SYT1: variants seen among roughly 807,000 people sequenced by gnomAD.
SYT1 encodes synaptotagmin 1, also known as synaptotagmin-1.
SYT1 carries 8 observed loss-of-function variants against 44.8 expected under a neutral mutation model. The observed-to-expected ratio is 0.18, with a 90% CI of 0.10 to 0.32. The LOEUF (loss-of-function observed/expected upper bound fraction) is 0.32, where lower values mean the gene tolerates loss of function less well. Among genes scored for constraint, SYT1 ranks in the 10% least tolerant of loss-of-function variants. SYT1 has a pLI of 1.00. For missense variants in SYT1, 286 were observed against 509.3 expected, an observed-to-expected ratio of 0.56 and a Z score of 4.22; for synonymous variants, 154 against 188.8, an observed-to-expected ratio of 0.82 and a Z score of 1.51.
intron 3 of SYT1, among the ~76,000 whole-genome samples, chr12:79,144,256 G>A (rs111908135): frequency 7.9e-5 from 12 of 152,214 alleles, no homozygotes; most frequent in African/African-American, 2.9e-4. Context: ...AGGAAAAGCA[G>A]AGTCAATAAC....
At chr12:79,212,133 T>C (rs1458041910) in intron 3 of SYT1, among the ~76,000 whole-genome samples, 1 of 151,800 alleles carries the variant, frequency 6.6e-6, no homozygotes, top group Non-Finnish European at 1.5e-5. Context: ...AATGATAGAG[T>C]GGATAAAGAA....
intron 4 of SYT1, among the ~76,000 whole-genome samples, chr12:79,231,010 C>G (rs1875836437): frequency 6.6e-6 from 1 of 152,096 alleles, no homozygotes; most frequent in African/African-American, 2.4e-5. Flanking sequence ...CTAAGCAAAG[C>G]CTGACTACAA....
chr12:79,040,432 T>C (rs1466693890), intron 2 of SYT1, among the ~76,000 whole-genome samples: 3 of 152,200 alleles, frequency 2.0e-5, no homozygotes, highest in South Asian at 2.1e-4. Context: ...TTTTGAGAAG[T>C]GTCTGTTCAT....
intron 2 of SYT1, among the ~76,000 whole-genome samples, chr12:79,017,440 T>C (rs1165907554): frequency 2.0e-5 from 3 of 152,058 alleles, no homozygotes; most frequent in Non-Finnish European, 2.9e-5. Context: ...AAAAATTAAC[T>C]AGGATAGTTC....
intron 3 of SYT1, among the ~76,000 whole-genome samples, chr12:79,174,523 C>G (rs769198606): frequency 1.1e-4 from 16 of 152,092 alleles, no homozygotes; most frequent in Middle Eastern, 6.8e-3. Context: ...TAAAATGTAG[C>G]TAGTCAGTAA....
At chr12:79,133,420 C>T (rs1868981126) in intron 3 of SYT1, among the ~76,000 whole-genome samples, 1 of 151,876 alleles carries the variant, frequency 6.6e-6, no homozygotes, top group Admixed American at 6.6e-5. Flanking sequence ...ATTTAAAATG[C>T]AAAGAAAAGA....
intron 2 of SYT1, among the ~76,000 whole-genome samples, chr12:79,036,904 C>T (rs1873170371): frequency 6.6e-6 from 1 of 151,734 alleles, no homozygotes; most frequent in African/African-American, 2.4e-5. Flanking sequence ...CAACTTCTCC[C>T]ACTCTCTCAT....
At chr12:79,055,589 A>C (rs980650026) in intron 3 of SYT1, among the ~76,000 whole-genome samples, 1 of 151,980 alleles carries the variant, frequency 6.6e-6, no homozygotes, top group Non-Finnish European at 1.5e-5. Flanking sequence ...ACTGTATTCA[A>C]GTGCTATTTC....
chr12:78,958,944 T>C (rs1879361730), intron 1 of SYT1, among the ~76,000 whole-genome samples: 1 of 152,148 alleles, frequency 6.6e-6, no homozygotes, highest in South Asian at 2.1e-4. Flanking sequence ...TAACTCAAAC[T>C]TCATTCTTTC....
intron 9 of SYT1, among the ~76,000 whole-genome samples, chr12:79,439,619 T>C (rs1016619675): frequency 3.3e-5 from 5 of 152,162 alleles, no homozygotes; most frequent in African/African-American, 1.2e-4. Flanking sequence ...ACCATAGTAA[T>C]AATTAACAAT....
At chr12:78,955,020 C>T (rs1461941511) in intron 1 of SYT1, among the ~76,000 whole-genome samples, 1 of 152,014 alleles carries the variant, frequency 6.6e-6, no homozygotes, top group East Asian at 1.9e-4. Context: ...TGTGTAAATC[C>T]ATCTGCTGAG....
intron 9 of SYT1, among the ~76,000 whole-genome samples, chr12:79,388,772 A>G (rs759524267): frequency 1.3e-5 from 2 of 152,110 alleles, no homozygotes; most frequent in Non-Finnish European, 2.9e-5. Context: ...TCCATGTTCT[A>G]CTCATAGAAA....
chr12:79,347,373 C>T (rs547615940), intron 8 of SYT1, among the ~76,000 whole-genome samples: 22 of 152,228 alleles, frequency 1.4e-4, no homozygotes, highest in Admixed American at 9.2e-4. Flanking sequence ...TTGGGGGATT[C>T]AGGATGATAA....
At chr12:79,190,500 T>A (rs996458307) in intron 3 of SYT1, among the ~76,000 whole-genome samples, 2 of 152,140 alleles carry the variant, frequency 1.3e-5, no homozygotes, top group African/African-American at 4.8e-5. Flanking sequence ...TTGCTTTCCA[T>A]AGCTGGCGAA....
chr12:79,337,268 C>T (rs1882134762), intron 8 of SYT1, among the ~76,000 whole-genome samples: 1 of 152,134 alleles, frequency 6.6e-6, no homozygotes, highest in African/African-American at 2.4e-5. Flanking sequence ...CTGGGCATTC[C>T]CCACAGCTCC....
intron 1 of SYT1, among the ~76,000 whole-genome samples, chr12:78,876,756 T>A (rs1592515055): frequency 8.2e-5 from 6 of 73,340 alleles, no homozygotes; most frequent in African/African-American, 3.8e-4. Flanking sequence ...ATATTGTATA[T>A]TATATATATT....
At chr12:79,211,129 C>A (rs1874421245) in intron 3 of SYT1, among the ~76,000 whole-genome samples, 1 of 152,168 alleles carries the variant, frequency 6.6e-6, no homozygotes, top group South Asian at 2.1e-4. Flanking sequence ...CTTTGTAATG[C>A]ATCTTTCCAG....
intron 2 of SYT1, among the ~76,000 whole-genome samples, chr12:79,031,202 A>G (rs973082686): frequency 6.6e-6 from 1 of 151,230 alleles, no homozygotes; most frequent in Admixed American, 6.6e-5. Flanking sequence ...TAATATCACA[A>G]TTATTTGACT....
chr12:79,061,032 T>C (rs1356020), intron 3 of SYT1, among the ~76,000 whole-genome samples: 32,092 of 151,916 alleles, frequency 0.21, 3,908 homozygotes, highest in African/African-American at 0.32. Flanking sequence ...ATTCGTGAAG[T>C]TAGGGTATTT....
Sources: allele counts gnomAD v4.1 joint callset (sites outside exome capture counted in the v4.1 genomes callset), GRCh38; gene constraint gnomAD v4.1.1; transcripts MANE v1.5; gene names NCBI Gene and HGNC (gene_info 2026-07-23, HGNC 2026-07-21).